SLC5A6: variants seen among roughly 807,000 people sequenced by gnomAD.
The protein encoded by SLC5A6 is solute carrier family 5 member 6.
A neutral mutation model predicts 67.9 loss-of-function variants in SLC5A6; 31 were observed. The observed-to-expected ratio is 0.46, with a 90% CI of 0.34 to 0.62. The LOEUF (loss-of-function observed/expected upper bound fraction) is 0.62, where lower values mean the gene tolerates loss of function less well. Among genes scored for constraint, SLC5A6 ranks in the 20% least tolerant of loss-of-function variants. SLC5A6 has a pLI of 0.01. For synonymous variants in SLC5A6, 343 were observed against 331.0 expected (o/e 1.04, Z -0.39); for missense variants, 673 against 812.8 (o/e 0.83, Z 2.09).
chr2:27,206,641 C>T, intron 4 of SLC5A6, 107 bp from the exon 5 acceptor site: 2 of 1,072,444 alleles, frequency 1.9e-6, no homozygotes. Context: ...CTCACCTAGG[C>T]TCACTTCCCT....
At chr2:27,211,555 G>A (rs2148033747) in intron 1 of SLC5A6, 22 bp from the exon 2 acceptor site, 1 of 152,734 alleles carries the variant, frequency 6.5e-6, no homozygotes. Context: ...AAGAAAATGA[G>A]TTAGGGAAGC....
intron 8 of SLC5A6, 52 bp from the exon 9 acceptor site, chr2:27,204,642 A>G (rs1460772930): frequency 6.2e-7 from 1 of 1,606,760 alleles, no homozygotes; most frequent in East Asian, 2.2e-5. Context: ...AGACACCCTC[A>G]GGTGTGTGCC....
In SLC5A6 at chr2:27,206,916, A is replaced by G. The variant is rs775863258; in HGVS notation, c.420T>C (p.Thr140=). Residue 140 remains threonine (T), a synonymous_variant, in exon 4 of 17, where the codon ACT becomes ACC. Transcript: ENST00000310574. ...YEYLELRFNK[T]VRVCGTVTFI... ...AGGTCACAGTTCCACACACTCGCAC[A>G]GTTTTATTGAATCGAAGCTCCAGGT... 11 of 1,613,964 alleles carry G rather than the reference A, an allele frequency of 6.8e-6. 1 individual carries two copies. The South Asian group carries it at 1.2e-4, about 18-fold the overall frequency.
chr2:27,211,977 G>T, intron 1 of SLC5A6, 43 bp downstream of exon 1: 1 of 530,556 alleles, frequency 1.9e-6, no homozygotes, highest in African/African-American at 2.3e-5. Context: ...CCCGCCCCCT[G>T]CCCGCCCCCT....
chr2:27,212,503 G>C (rs1251105910), upstream of SLC5A6: 1 of 1,539,646 alleles, frequency 6.5e-7, no homozygotes, highest in African/African-American at 1.4e-5. Flanking sequence ...CTGAAGCAGG[G>C]TCGCTGGCCA....
At position 27,212,044 on chromosome 2, in the gene SLC5A6, T is replaced by C; in HGVS notation, c.-232A>G. The stretch of plus-strand genomic sequence containing the variant: ...CTGAGGGCGGATGGAGGGGCCCGAG[T>C]TTCTGCGAAGCCGCGACCTCGGCGT... On this transcript the variant is annotated 5_prime_UTR_variant, in exon 1 of 17. Coordinates refer to ENST00000310574, the MANE Select transcript of SLC5A6 (RefSeq NM_021095.4). 1 of 958,798 alleles carries C rather than the reference T, an allele frequency of 1.0e-6. No homozygotes were observed. Among genetic ancestry groups the C allele is most frequent in the East Asian group, 3.2e-5 (1 of 31,016 alleles). 59.4% of individuals were successfully genotyped at this position (958,798 alleles called of 1,614,324 possible). A position where few individuals can be genotyped will look rare whatever the true frequency, so the allele number is the denominator to read the frequency against.
Position 27,204,572 on chromosome 2 carries a change from G to C in SLC5A6, c.894C>G (p.Phe298Leu). 1 of 1,614,076 alleles carries C rather than the reference G, an allele frequency of 6.2e-7. No homozygotes were observed. Among genetic ancestry groups the C allele is most frequent in the Non-Finnish European group, 8.5e-7 (1 of 1,179,962 alleles). The change falls in exon 9 of 17, where the codon TTC becomes TTG. Residue 298 changes from phenylalanine to leucine, a missense_variant. Coordinates refer to ENST00000310574, the MANE Select transcript of SLC5A6 (RefSeq NM_021095.4). ...CGCAGAGGGACACCTGCTGGAAGGG[G>C]AACACTGCATAACAGGAGCTGCAAA... is the stretch of plus-strand genomic sequence containing the variant. ...KAAVLSCYAV[F>L]PFQQVSLCVG...
At position 27,205,461 on chromosome 2, in the gene SLC5A6, A is replaced by G. The variant is rs984088609; in HGVS notation, c.623T>C (p.Leu208Pro). The G allele has an allele frequency of 3.7e-6, 6 of 1,614,046 alleles. No individual in the cohort carries two copies. The highest frequency in any genetic ancestry group is 1.3e-5 in the African/African-American group (1 of 74,926). Residue 208 changes from leucine to proline, a missense_variant, in exon 7 of 17, where the codon CTG becomes CCG. Coordinates refer to ENST00000310574, the MANE Select transcript of SLC5A6 (RefSeq NM_021095.4). ...TGCCAGCTGCCCGAGGAACATGACC[A>G]GTGTCTGGAACACATCTGTCCAGAT... Reference protein sequence around the residue: ...AVIWTDVFQTLVMFLGQLAVI... With the variant: ...AVIWTDVFQTPVMFLGQLAVI...
chr2:27,205,964 T>C, intron 6 of SLC5A6, 62 bp downstream of exon 6: 1 of 1,244,458 alleles, frequency 8.0e-7, no homozygotes, highest in Non-Finnish European at 1.2e-6. Context: ...TTTCCTTCTC[T>C]TCCCATGTCC....
intron 2 of SLC5A6, chr2:27,208,605 GA>G (rs1277482639): frequency 1.3e-5 from 2 of 152,862 alleles, no homozygotes; most frequent in Non-Finnish European, 2.9e-5. Context: ...GCTGGGGACA[GA>G]CACCTACCTG....
chr2:27,203,228 C>T lies in SLC5A6; in HGVS notation c.1207+5G>A. ...GACTGAAGAGATGAGGAAGCATAAC[C>T]CCACCAAGGCCTCTGGAAAGCATGA... On this transcript the variant is annotated splice_donor_5th_base_variant and intron_variant, in intron 11 of 16. Transcript: ENST00000310574. 1 of 1,614,030 alleles carries T rather than the reference C, an allele frequency of 6.2e-7. No homozygotes were observed. Among genetic ancestry groups the T allele is most frequent in the Non-Finnish European group, 8.5e-7 (1 of 1,179,986 alleles).
rs766537583 is a variant in SLC5A6, at chr2:27,200,454, G to A, written c.1890C>T (p.Leu630=). 3.4e-5 allele frequency: 55 copies of A among 1,612,846 alleles called. No individual in the cohort carries two copies. In the Middle Eastern group the frequency reaches 6.6e-4, roughly 19 times the overall value. The change falls in exon 17 of 17, where the codon CTC becomes CTT. Residue 630 remains leucine, a synonymous_variant. Transcript: ENST00000310574. Reference sequence around the variant, plus strand: ...GTCAACATCACAGGGAGGTCTCCTGGAGGATGCAGGTGGAGCTGCTCCCCT... The same window carrying A: ...GTCAACATCACAGGGAGGTCTCCTGAAGGATGCAGGTGGAGCTGCTCCCCT... ...AYQGSSSTCI[L]QETSL is the part of the protein sequence containing the mutation.
chr2:27,210,635 G>A (rs1286424785), intron 2 of SLC5A6, among the ~76,000 whole-genome samples: 1 of 147,112 alleles, frequency 6.8e-6, no homozygotes, highest in Non-Finnish European at 1.5e-5. Context: ...GTAGAGACGA[G>A]ATTTCACCAT....
At position 27,207,535 on chromosome 2, in the gene SLC5A6, G is replaced by A. The variant is rs1469977555; in HGVS notation, c.116C>T (p.Ser39Phe). 2 of 1,614,138 alleles carry A rather than the reference G, an allele frequency of 1.2e-6. No homozygotes were observed. Among genetic ancestry groups the A allele is most frequent in the African/African-American group, 1.3e-5 (1 of 74,950 alleles). ...AGCATGGTAGAGCCCAATGGCAAGA[G>A]AGAGAACCAGCAGCAGGACGAACAC... ...YVVFVLLLVL[S>F]LAIGLYHACR... The change falls in exon 3 of 17, where the codon TCT becomes TTT. Residue 39 changes from serine (S) to phenylalanine (F), a missense_variant. Transcript: ENST00000310574. The surrounding 1 kb of genome is among the most constrained non-coding windows in gnomAD (Gnocchi z 5.5).
intron 4 of SLC5A6, 85 bp from the exon 5 acceptor site, chr2:27,206,619 C>T: frequency 7.9e-7 from 1 of 1,273,358 alleles, no homozygotes; most frequent in South Asian, 1.2e-5. Flanking sequence ...GCCAATATGC[C>T]CATGGCTTCC....
chr2:27,210,188 A>G (rs1345477721), intron 2 of SLC5A6, among the ~76,000 whole-genome samples: 1 of 152,142 alleles, frequency 6.6e-6, no homozygotes, highest in Non-Finnish European at 1.5e-5. Context: ...ATAAAATTCT[A>G]TTTGCATGAT....
chr2:27,206,168 G>A (rs1038430342), intron 5 of SLC5A6, 75 bp from the exon 6 acceptor site: 12 of 1,215,264 alleles, frequency 9.9e-6, no homozygotes, highest in South Asian at 3.7e-5. Context: ...GGGCAATCAC[G>A]TCATGCCACA....
At chr2:27,205,878 C>T (rs1304924575) in intron 6 of SLC5A6, 148 bp downstream of exon 6, 22 of 682,900 alleles carry the variant, frequency 3.2e-5, no homozygotes, top group Non-Finnish European at 2.6e-5. Flanking sequence ...ATCCCCACTG[C>T]TAAATCCTAT....
In SLC5A6 at chr2:27,204,296, G is replaced by A. The variant is rs570673734; in HGVS notation, c.1005+165C>T. 1.3e-4 allele frequency among the ~76,000 whole-genome samples: 20 copies of A among 152,146 alleles called. No individual in the cohort carries two copies. In the South Asian group the frequency reaches 2.1e-3, roughly 16 times the overall value. On this transcript the variant is annotated intron_variant, in intron 9 of 16. Coordinates refer to ENST00000310574, the MANE Select transcript of SLC5A6 (RefSeq NM_021095.4). Reference sequence around the variant, plus strand: ...CTGTGGTTAGGTGATGCTAGGGACCGCGATCCTCACATGCTAGATTCCTAG... The same window carrying A: ...CTGTGGTTAGGTGATGCTAGGGACCACGATCCTCACATGCTAGATTCCTAG...
Sources: gnomAD v4.1 joint callset for allele counts (sites outside exome capture counted in the v4.1 genomes callset) on GRCh38, gnomAD v4.1.1 for gene constraint, Gnocchi (gnomAD v3.1) non-coding constraint, MANE v1.5 for transcripts, NCBI Gene and HGNC (gene_info 2026-07-23, HGNC 2026-07-21) for gene names.